The following PATZ1 variants were observed in gnomAD, a reference collection of about 807,000 sequenced individuals.
PATZ1 encodes POZ-, AT hook-, and zinc finger-containing protein 1.
In PATZ1, 9 loss-of-function variants were observed where a neutral mutation model predicts 46.2. The ratio of observed to expected loss-of-function variants is 0.19; its 90% CI spans 0.12 to 0.34. The LOEUF is 0.34. Among genes scored for constraint, PATZ1 ranks in the 10% least tolerant of loss-of-function variants. PATZ1 has a pLI of 1.00. For synonymous variants in PATZ1, 426 were observed against 378.6 expected (o/e 1.13, Z -1.45); for missense variants, 632 against 923.0 (o/e 0.68, Z 4.08).
intron 2 of PATZ1, among the ~76,000 whole-genome samples, chr22:31,336,857 C>A (rs1408778769): frequency 6.7e-6 from 1 of 149,978 alleles, no homozygotes; most frequent in African/African-American, 2.5e-5. Flanking sequence ...CACCTGTAAT[C>A]CCAGCACTTT....
Position 31,328,808 on chromosome 22 carries a change from C to T in PATZ1, c.1624G>A (p.Ala542Thr), listed in dbSNP as rs1381320598. 8.7e-6 allele frequency: 14 copies of T among 1,613,162 alleles called. No homozygotes were observed. Among genetic ancestry groups the T allele is most frequent in the South Asian group, 3.3e-5 (3 of 91,052 alleles). Residue 542 changes from alanine to threonine, a missense_variant, in exon 4 of 5, where the codon GCC (alanine) becomes ACC (threonine). This residue lies in a region of PATZ1 where 176 missense variants were observed against 249.4 expected (regional missense o/e 0.71). Coordinates refer to ENST00000266269, the MANE Select transcript of PATZ1 (RefSeq NM_014323.3). This position sits in a 1 kb window ranked among gnomAD's most constrained non-coding sequence, Gnocchi z 4.8. ...ILNGGAAFHC[A>T]RTYGNKEGQK... is the part of the protein sequence containing the mutation. ...TTGCCTTTGTTGCCATAGGTCCTGG[C>T]GCAGTGGAACGCTGCTCCCCCATTC...
In PATZ1 at chr22:31,345,623, A is replaced by C; in HGVS notation, c.-21T>G. ...TCCATGGCCGCCGCCCCCTCCCACT[A>C]GCCCGGCCGCTGCACCTGCCCGCCC... On this transcript the variant is annotated 5_prime_UTR_variant, in exon 1 of 5. Transcript: ENST00000266269. The surrounding 1 kb of genome is among the most constrained non-coding windows in gnomAD (Gnocchi z 7.4). The C allele has an allele frequency of 6.4e-7, 1 of 1,566,418 alleles. No homozygotes were observed. Among genetic ancestry groups the C allele is most frequent in the Non-Finnish European group, 8.7e-7 (1 of 1,152,348 alleles).
rs971150609 is a variant in PATZ1 at position 31,328,930 on chromosome 22, C to G, written c.1508-6G>C. On this transcript the variant is annotated splice_polypyrimidine_tract_variant and splice_region_variant and intron_variant, in intron 3 of 4. Coordinates refer to ENST00000266269, the MANE Select transcript of PATZ1 (RefSeq NM_014323.3). This position sits in a 1 kb window ranked among gnomAD's most constrained non-coding sequence, Gnocchi z 4.8. ...GTAGGAGGCAGAGGAGAAACCTAAACAAGACAAAAGGAGATGAGATCCCGC... is the reference window on the plus strand; with the variant it reads ...GTAGGAGGCAGAGGAGAAACCTAAAGAAGACAAAAGGAGATGAGATCCCGC... 3 of 1,611,926 alleles carry G rather than the reference C, an allele frequency of 1.9e-6. No homozygotes were observed. The highest frequency in any genetic ancestry group is 2.5e-6 in the Non-Finnish European group (3 of 1,178,816).
At chr22:31,341,324 G>T in intron 2 of PATZ1, 2 of 1,497,144 alleles carry the variant, frequency 1.3e-6, no homozygotes, top group Non-Finnish European at 1.8e-6. Flanking sequence ...CACCCTGCTA[G>T]CCTCTCCCAA....
rs775973978 is a variant in PATZ1 at position 31,342,970 on chromosome 22, A to C, written c.1272-10T>G. ...GTTCAAGTGATCAGGCCTGGAAAAGAGAGAACCAAGAGGGACTTTAGAAAC... is the reference window on the plus strand; with the variant it reads ...GTTCAAGTGATCAGGCCTGGAAAAGCGAGAACCAAGAGGGACTTTAGAAAC... On this transcript the variant is annotated splice_polypyrimidine_tract_variant and intron_variant, in intron 1 of 4. Coordinates refer to ENST00000266269, the MANE Select transcript of PATZ1 (RefSeq NM_014323.3). The C allele has an allele frequency of 2.5e-6, 4 of 1,613,772 alleles. No homozygotes were observed. Among genetic ancestry groups the C allele is most frequent in the Non-Finnish European group, 2.5e-6 (3 of 1,179,834 alleles).
chr22:31,330,035 C>T (rs2049419531), intron 3 of PATZ1, among the ~76,000 whole-genome samples: 1 of 152,196 alleles, frequency 6.6e-6, no homozygotes, highest in East Asian at 1.9e-4. Context: ...CAAAATTACA[C>T]AGTCACAGGA....
intron 3 of PATZ1, among the ~76,000 whole-genome samples, chr22:31,329,537 A>G (rs935535130): frequency 6.6e-6 from 1 of 152,238 alleles, no homozygotes; most frequent in Non-Finnish European, 1.5e-5. Context: ...TTTGAAGAAC[A>G]AAGACAAAAA....
Position 31,344,849 on chromosome 22 carries a change from G to A in PATZ1, c.754C>T (p.Pro252Ser). The change falls in exon 1 of 5, where the codon CCC becomes TCC. Residue 252 changes from proline to serine, a missense_variant. Physicochemically the swap from Pro to Ser is moderately conservative, Grantham distance 74. Coordinates refer to ENST00000266269, the MANE Select transcript of PATZ1 (RefSeq NM_014323.3). ...GGAGGGGCACTGGATGCCACACTGG[G>A]GAATGGGGAAGTCAGCAGTTGGGGG... is the stretch of plus-strand genomic sequence containing the variant. Reference protein sequence around the residue: ...LSPQLLTSPFPSVASSAPPLT... With the variant: ...LSPQLLTSPFSSVASSAPPLT... 1 of 1,612,802 alleles carries A rather than the reference G, an allele frequency of 6.2e-7. No homozygotes were observed.
In PATZ1 at chr22:31,326,728, T is replaced by G. The variant is rs2049373541; in HGVS notation, c.*163A>C. The G allele has an allele frequency of 3.3e-6, 2 of 614,322 alleles. No individual in the cohort carries two copies. The highest frequency in any genetic ancestry group is 5.7e-6 in the Non-Finnish European group (2 of 350,486). The allele number at this position is 614,322 out of a possible 1,614,324, so 38.1% of individuals were successfully genotyped here. On this transcript the variant is annotated 3_prime_UTR_variant, in exon 5 of 5. Coordinates refer to ENST00000266269, the MANE Select transcript of PATZ1 (RefSeq NM_014323.3). ...ATGAAAATCTATTTCTAAAGACCATTGGGAGAATGGGTGGTGGAGAAGGAG... is the reference window on the plus strand; with the variant it reads ...ATGAAAATCTATTTCTAAAGACCATGGGGAGAATGGGTGGTGGAGAAGGAG...
At position 31,345,293 on chromosome 22, in the gene PATZ1, G is replaced by A. The variant is rs1029568227; in HGVS notation, c.310C>T (p.Leu104=). The A allele has an allele frequency of 1.7e-5, 27 of 1,611,524 alleles. No individual in the cohort carries two copies. The highest frequency in any genetic ancestry group is 2.3e-5 in the Non-Finnish European group (27 of 1,178,312). Reference sequence around the variant, plus strand: ...TTGGAGCTGATAGTGTGCATCTCCAGCTCCCGGCTGCCCCCGGCCCCGCCG... The same window carrying A: ...TTGGAGCTGATAGTGTGCATCTCCAACTCCCGGCTGCCCCCGGCCCCGCCG... ...PGGGAGGSRE[L]EMHTISSKVF... is the part of the protein sequence containing the mutation. The change falls in exon 1 of 5, where the codon CTG becomes TTG. Residue 104 remains leucine (L), a synonymous_variant. Transcript: ENST00000266269. The surrounding 1 kb of genome is among the most constrained non-coding windows in gnomAD (Gnocchi z 7.4).
chr22:31,343,127 A>C, intron 1 of PATZ1, 167 bp from the exon 2 acceptor site: 1 of 1,398,006 alleles, frequency 7.2e-7, no homozygotes, highest in Non-Finnish European at 9.4e-7. Context: ...TTCTGGCTCC[A>C]CAGGCCCAGG....
At position 31,328,005 on chromosome 22, in the gene PATZ1, C is replaced by T. The variant is rs1250738228; in HGVS notation, c.1646-696G>A. Among the ~76,000 whole-genome samples the T allele has an allele frequency of 1.3e-5, 2 of 152,234 alleles. No individual in the cohort carries two copies. Among genetic ancestry groups the T allele is most frequent in the African/African-American group, 4.8e-5 (2 of 41,456 alleles). ...GGGCCAAGAGACAACCCTGGCTGCT[C>T]TGCCTTGCCCGGCCCACACTGGAGT... On this transcript the variant is annotated intron_variant, in intron 4 of 4. Transcript: ENST00000266269. This position sits in a 1 kb window ranked among gnomAD's most constrained non-coding sequence, Gnocchi z 4.8.
chr22:31,337,043 G>C, intron 2 of PATZ1, among the ~76,000 whole-genome samples: 1 of 151,710 alleles, frequency 6.6e-6, no homozygotes, highest in East Asian at 1.9e-4. Context: ...CCGGGAGGCA[G>C]AGCTTGCAGT....
chr22:31,345,706 C>A lies in PATZ1; in HGVS notation c.-104G>T. 1 of 1,159,232 alleles carries A rather than the reference C, an allele frequency of 8.6e-7. No individual in the cohort carries two copies. 71.8% of individuals were successfully genotyped at this position (1,159,232 alleles called of 1,614,324 possible). ...GCAGCAGACGTGTCCACACTCCCCA[C>A]ACGTGCCGGCCCGAGGCTCTGTAGT... On this transcript the variant is annotated 5_prime_UTR_variant, in exon 1 of 5. Transcript: ENST00000266269. This position sits in a 1 kb window ranked among gnomAD's most constrained non-coding sequence, Gnocchi z 7.4.
At chr22:31,329,902 T>C (rs2049417528) in intron 3 of PATZ1, among the ~76,000 whole-genome samples, 1 of 152,218 alleles carries the variant, frequency 6.6e-6, no homozygotes, top group South Asian at 2.1e-4. Context: ...GATCAGAAGG[T>C]GCTTTTAGCA....
rs780960822 is a variant in PATZ1 at position 31,344,322 on chromosome 22, C to T, written c.1271+10G>A. 14 of 1,583,908 alleles carry T rather than the reference C, an allele frequency of 8.8e-6. No homozygotes were observed. In the Admixed American group the frequency reaches 2.5e-4, roughly 28 times the overall value. On this transcript the variant is annotated intron_variant, in intron 1 of 4. Transcript: ENST00000266269. The stretch of plus-strand genomic sequence containing the variant: ...GTGTGGCAGGGGAGGAAGAGGGGGC[C>T]TTTCCTCACCTGGAGAAGCCTTTCC...
In PATZ1 at chr22:31,328,820, C is replaced by T. The variant is rs1307668855; in HGVS notation, c.1612G>A (p.Ala538Thr). Residue 538 changes from alanine (A) to threonine (T), a missense_variant, in exon 4 of 5, where the codon GCG becomes ACG. Ala to Thr is a moderately conservative substitution (Grantham distance 58). This residue lies in a region of PATZ1 where 176 missense variants were observed against 249.4 expected (regional missense o/e 0.71). Coordinates refer to ENST00000266269, the MANE Select transcript of PATZ1 (RefSeq NM_014323.3). This position sits in a 1 kb window ranked among gnomAD's most constrained non-coding sequence, Gnocchi z 4.8. ...HQEPILNGGA[A>T]FHCARTYGNK... Reference sequence around the variant, plus strand: ...CCATAGGTCCTGGCGCAGTGGAACGCTGCTCCCCCATTCAGGATGGGCTCC... The same window carrying T: ...CCATAGGTCCTGGCGCAGTGGAACGTTGCTCCCCCATTCAGGATGGGCTCC... 1 of 1,613,636 alleles carries T rather than the reference C, an allele frequency of 6.2e-7. No individual in the cohort carries two copies. Among genetic ancestry groups the T allele is most frequent in the Non-Finnish European group, 8.5e-7 (1 of 1,179,896 alleles).
chr22:31,341,019 G>C, intron 2 of PATZ1: 1 of 1,078,262 alleles, frequency 9.3e-7, no homozygotes, highest in Non-Finnish European at 1.1e-6. Context: ...GGAAAGGGGT[G>C]GCCAGGCCCC....
chr22:31,341,428 AG>A, intron 2 of PATZ1: 1 of 1,570,682 alleles, frequency 6.4e-7, no homozygotes, highest in Non-Finnish European at 8.6e-7. Flanking sequence ...CACTGGGTAA[AG>A]GCCCTGCTGC....
Sources: gnomAD v4.1 joint callset for allele counts (sites outside exome capture counted in the v4.1 genomes callset) on GRCh38, gnomAD v4.1.1 for gene constraint, gnomAD v4.1.1 regional missense constraint, Gnocchi (gnomAD v3.1) non-coding constraint, MANE v1.5 for transcripts, NCBI Gene and HGNC (gene_info 2026-07-23, HGNC 2026-07-21) for gene names.